PRR16: variants seen among roughly 807,000 people sequenced by gnomAD.
PRR16 encodes proline rich 16.
Under a neutral mutation model 18.2 loss-of-function variants are expected in PRR16, and 6 were observed. The ratio of observed to expected loss-of-function variants is 0.33; its 90% confidence interval spans 0.18 to 0.65. The LOEUF is 0.65. Among genes scored for constraint, PRR16 ranks in the 30% least tolerant of loss-of-function variants. The pLI, the probability that PRR16 is intolerant of heterozygous loss-of-function variation, is 0.74. For synonymous variants in PRR16, 151 were observed against 147.8 expected (o/e 1.02, Z -0.16); for missense variants, 412 against 376.6 (o/e 1.09, Z -0.78).
chr5:120,471,251 A>C (rs980601691), intron 1 of PRR16, among the ~76,000 whole-genome samples: 3 of 152,202 alleles, frequency 2.0e-5, no homozygotes, highest in Non-Finnish European at 4.4e-5. Context: ...TTATTCAACA[A>C]AAATGTTGAT....
intron 1 of PRR16, among the ~76,000 whole-genome samples, chr5:120,478,825 C>T (rs1343750003): frequency 6.6e-6 from 1 of 152,030 alleles, no homozygotes; most frequent in African/African-American, 2.4e-5. Context: ...CTACTTTTTA[C>T]AACCTTCTCT....
At chr5:120,708,626 G>T in the PRR16 span, among the ~76,000 whole-genome samples, 1 of 152,180 alleles carries the variant, frequency 6.6e-6, no homozygotes, top group Non-Finnish European at 1.5e-5. Flanking sequence ...TATGAAGTAA[G>T]TGTACAAAGC....
chr5:120,701,599 G>A, the PRR16 span, among the ~76,000 whole-genome samples: 2 of 152,176 alleles, frequency 1.3e-5, no homozygotes, highest in African/African-American at 2.4e-5. Flanking sequence ...GGGTGGAGGA[G>A]CAGAGGCTGA....
intron 1 of PRR16, among the ~76,000 whole-genome samples, chr5:120,643,862 C>T (rs544994758): frequency 3.9e-5 from 6 of 151,912 alleles, no homozygotes; most frequent in South Asian, 2.1e-4. Context: ...AAAATTAGCC[C>T]GGCATGGTGG....
chr5:120,659,124 A>G (rs1457756580), intron 1 of PRR16, among the ~76,000 whole-genome samples: 9 of 152,044 alleles, frequency 5.9e-5, no homozygotes, highest in Admixed American at 5.9e-4. Context: ...CATTGGATGT[A>G]CACAATTATC....
the PRR16 span, among the ~76,000 whole-genome samples, chr5:120,762,817 TG>T: frequency 6.6e-6 from 1 of 152,202 alleles, no homozygotes; most frequent in Non-Finnish European, 1.5e-5. Flanking sequence ...TTTTGTTATC[TG>T]TGCTTTTGAG....
At chr5:120,486,928 G>T (rs1335013442) in intron 1 of PRR16, among the ~76,000 whole-genome samples, 2 of 152,060 alleles carry the variant, frequency 1.3e-5, no homozygotes, top group African/African-American at 4.8e-5. Flanking sequence ...TCCTGTTTTT[G>T]TCAGGTTTGT....
chr5:120,476,719 A>C (rs539799643), intron 1 of PRR16, among the ~76,000 whole-genome samples: 1 of 152,266 alleles, frequency 6.6e-6, no homozygotes, highest in East Asian at 1.9e-4. Context: ...GATTCCTGCC[A>C]GCATACAAAT....
chr5:120,581,124 G>A (rs1417873067), intron 1 of PRR16, among the ~76,000 whole-genome samples: 1 of 152,168 alleles, frequency 6.6e-6, no homozygotes, highest in African/African-American at 2.4e-5. Context: ...ATTTCTGGTA[G>A]AATTCACCTG....
intron 1 of PRR16, among the ~76,000 whole-genome samples, chr5:120,615,847 G>A (rs2112812575): frequency 6.6e-6 from 1 of 152,244 alleles, no homozygotes; most frequent in East Asian, 1.9e-4. Flanking sequence ...CCAGTAACCA[G>A]GAGGGTTCCT....
chr5:120,646,903 T>C (rs191388843), intron 1 of PRR16, among the ~76,000 whole-genome samples: 4 of 152,066 alleles, frequency 2.6e-5, no homozygotes, highest in African/African-American at 7.2e-5. Context: ...AAGCATTATA[T>C]TGTTTTGTTG....
intron 1 of PRR16, among the ~76,000 whole-genome samples, chr5:120,569,194 A>T (rs910816296): frequency 6.6e-6 from 1 of 152,056 alleles, no homozygotes; most frequent in East Asian, 1.9e-4. Flanking sequence ...ACTTTTAACC[A>T]ATTGTTTACT....
chr5:120,482,134 A>T (rs1467136925), intron 1 of PRR16, among the ~76,000 whole-genome samples: 3 of 152,132 alleles, frequency 2.0e-5, no homozygotes, highest in Non-Finnish European at 2.9e-5. Context: ...TAAAAAAATA[A>T]TTTCAGCTTT....
chr5:120,650,033 C>T (rs1755721405), intron 1 of PRR16, among the ~76,000 whole-genome samples: 1 of 151,854 alleles, frequency 6.6e-6, no homozygotes, highest in Admixed American at 6.6e-5. Flanking sequence ...TCCTGGCCAA[C>T]ACGATGAAAC....
chr5:120,488,330 G>A (rs1033928014), intron 1 of PRR16, among the ~76,000 whole-genome samples: 5 of 152,138 alleles, frequency 3.3e-5, no homozygotes, highest in African/African-American at 1.2e-4. Flanking sequence ...TTCAGAGCTT[G>A]CTATTGGTCT....
At chr5:120,699,362 G>A in the PRR16 span, among the ~76,000 whole-genome samples, 1 of 152,190 alleles carries the variant, frequency 6.6e-6, no homozygotes, top group African/African-American at 2.4e-5. Context: ...TGATCAGGGT[G>A]AGGAACAGGA....
the PRR16 span, among the ~76,000 whole-genome samples, chr5:120,779,214 A>G: frequency 2.8e-4 from 42 of 152,230 alleles, no homozygotes; most frequent in Non-Finnish European, 4.8e-4. Context: ...TGGCTGCAAC[A>G]GTTTCTGTAA....
intron 1 of PRR16, among the ~76,000 whole-genome samples, chr5:120,632,757 A>G (rs945139228): frequency 4.6e-5 from 7 of 152,208 alleles, no homozygotes; most frequent in African/African-American, 1.7e-4. Flanking sequence ...CCTAAGAATA[A>G]TCAGTGTTCC....
chr5:120,674,920 AT>A lies in PRR16; in HGVS notation c.160-11027del, dbSNP rs1216739017. 7.9e-5 allele frequency among the ~76,000 whole-genome samples: 12 copies of A among 151,590 alleles called. No homozygotes were observed. In the South Asian group the frequency reaches 1.2e-3, roughly 16 times the overall value. On this transcript the variant is annotated intron_variant, in intron 1 of 1. Transcript: ENST00000407149. ...AATTTAACATTTGTTTTATATTCCA[AT>A]TTTTTTATTTTATTGCTTTTTTTAC...
Sources: allele counts gnomAD v4.1 joint callset (sites outside exome capture counted in the v4.1 genomes callset), GRCh38; gene constraint gnomAD v4.1.1; transcripts MANE v1.5; gene names NCBI Gene and HGNC (gene_info 2026-07-23, HGNC 2026-07-21).